The following SYT9 variants were observed in gnomAD, a reference collection of about 807,000 sequenced individuals.
SYT9 encodes the protein synaptotagmin 9, also known as synaptotagmin-9.
SYT9 carries 22 observed loss-of-function variants against 48.4 expected under a neutral mutation model. The observed-to-expected ratio is 0.45, with a 90% CI of 0.32 to 0.65. SYT9 has a LOEUF of 0.65. Among genes scored for constraint, SYT9 ranks in the 30% least tolerant of loss-of-function variants. The pLI is 0.03. For synonymous variants in SYT9, 265 were observed against 245.0 expected (o/e 1.08, Z -0.76); for missense variants, 577 against 622.0 (o/e 0.93, Z 0.77).
intron 1 of SYT9, among the ~76,000 whole-genome samples, chr11:7,267,676 T>C (rs770949589): frequency 1.3e-5 from 2 of 150,074 alleles, no homozygotes; most frequent in African/African-American, 2.5e-5. Flanking sequence ...AGCCTAAAAA[T>C]AGAAAGGTAA....
chr11:7,324,081 G>A (rs1002303258), intron 3 of SYT9, among the ~76,000 whole-genome samples: 5 of 151,538 alleles, frequency 3.3e-5, no homozygotes, highest in African/African-American at 1.2e-4. Flanking sequence ...TTACTTTAGG[G>A]GAAATTAATT....
At chr11:7,279,335 A>G (rs1467661383) in intron 1 of SYT9, among the ~76,000 whole-genome samples, 1 of 152,216 alleles carries the variant, frequency 6.6e-6, no homozygotes, top group Non-Finnish European at 1.5e-5. Context: ...TGGGCAGTTT[A>G]TGATAACCAA....
chr11:7,281,613 C>T (rs1487884), intron 1 of SYT9, among the ~76,000 whole-genome samples: 123,483 of 152,090 alleles, frequency 0.81, 50,575 homozygotes, highest in South Asian at 0.9. Context: ...TTACACAAAG[C>T]CAGATATAGA....
At chr11:7,304,883 T>G (rs11041304) in intron 2 of SYT9, among the ~76,000 whole-genome samples, 1 of 152,172 alleles carries the variant, frequency 6.6e-6, no homozygotes, top group African/African-American at 2.4e-5. Flanking sequence ...GAGTCTCCAT[T>G]GAAATTTCCA....
In SYT9 at chr11:7,323,977, C is replaced by CT. The variant is rs1238742399; in HGVS notation, c.1044+10038dup. On this transcript the variant is annotated intron_variant, in intron 3 of 6. Coordinates refer to ENST00000318881, the MANE Select transcript of SYT9 (RefSeq NM_175733.4). ...GGCACATTATCTCTTTTCCTAGTCT[C>CT]TTAAAGATTTTGTGTCATTTTGTGT... Among the ~76,000 whole-genome samples the CT allele has an allele frequency of 6.6e-5, 10 of 151,872 alleles. No individual in the cohort carries two copies. In the South Asian group the frequency reaches 1.9e-3, roughly 28 times the overall value.
chr11:7,293,064 G>T (rs4758172), intron 1 of SYT9, among the ~76,000 whole-genome samples: 9,190 of 152,216 alleles, frequency 0.06, 369 homozygotes, highest in Non-Finnish European at 0.097. Flanking sequence ...GCAATGCAGG[G>T]GTGGTGATGC....
intron 3 of SYT9, among the ~76,000 whole-genome samples, chr11:7,384,678 T>C (rs1337912126): frequency 1.3e-5 from 2 of 152,314 alleles, no homozygotes; most frequent in East Asian, 3.9e-4. Context: ...CCTGTAATAG[T>C]GCTACTTGAG....
At chr11:7,263,653 A>G (rs564201551) in intron 1 of SYT9, among the ~76,000 whole-genome samples, 2 of 152,304 alleles carry the variant, frequency 1.3e-5, no homozygotes, top group South Asian at 4.1e-4. Context: ...GGTGGAAGGA[A>G]GGATCCCCTG....
intron 1 of SYT9, among the ~76,000 whole-genome samples, chr11:7,267,105 A>G (rs560946672): frequency 6.6e-6 from 1 of 152,204 alleles, no homozygotes; most frequent in East Asian, 1.9e-4. Context: ...AGTACAATAA[A>G]CTGTAAAGAC....
intron 1 of SYT9, among the ~76,000 whole-genome samples, chr11:7,256,580 T>G (rs1847975112): frequency 6.6e-6 from 1 of 152,188 alleles, no homozygotes; most frequent in Non-Finnish European, 1.5e-5. Flanking sequence ...GGAGTTATTG[T>G]CAATGAAAAT....
At chr11:7,415,086 T>TCCCC in intron 3 of SYT9, among the ~76,000 whole-genome samples, 1 of 148,660 alleles carries the variant, frequency 6.7e-6, no homozygotes, top group South Asian at 2.1e-4. Context: ...GTGCCTGAGA[T>TCCCC]ATCTTCCCCA....
intron 1 of SYT9, among the ~76,000 whole-genome samples, chr11:7,274,157 A>G (rs552020743): frequency 6.6e-6 from 1 of 152,280 alleles, no homozygotes; most frequent in South Asian, 2.1e-4. Flanking sequence ...CTGCTGTGCT[A>G]TGTAGAACTG....
intron 1 of SYT9, among the ~76,000 whole-genome samples, chr11:7,278,924 T>G (rs988478304): frequency 2.0e-5 from 3 of 152,058 alleles, no homozygotes; most frequent in African/African-American, 7.2e-5. Flanking sequence ...TTTTCAGGAG[T>G]GCTGATACCC....
chr11:7,314,146 C>T, intron 3 of SYT9: 2 of 710,436 alleles, frequency 2.8e-6, no homozygotes, highest in Non-Finnish European at 5.0e-6. Context: ...TCCATGAAAA[C>T]AATATTAAAG....
chr11:7,419,592 A>T (rs189711469), intron 5 of SYT9, among the ~76,000 whole-genome samples: 1 of 152,290 alleles, frequency 6.6e-6, no homozygotes, highest in East Asian at 1.9e-4. Flanking sequence ...CTACCTAGGG[A>T]GAGTTTCAGA....
Position 7,432,701 on chromosome 11 carries a change from A to G in SYT9, c.1467+12066A>G, listed in dbSNP as rs181342729. On this transcript the variant is annotated intron_variant, in intron 6 of 6. Transcript: ENST00000318881. ...GCCTCTAGCCCCTTTCTTTTGGTCA[A>G]TTTCTCCCTTTTGGAGTGGGAATGT... 2.7e-3 allele frequency among the ~76,000 whole-genome samples: 384 copies of G among 144,890 alleles called. 1 individual carries two copies. Among genetic ancestry groups the G allele is most frequent in the Non-Finnish European group, 4.5e-3 (298 of 66,694 alleles).
intron 6 of SYT9, among the ~76,000 whole-genome samples, chr11:7,452,427 C>T (rs909477422): frequency 6.6e-6 from 1 of 152,164 alleles, no homozygotes; most frequent in Non-Finnish European, 1.5e-5. Context: ...GGGGCCATTT[C>T]AAAGGCAATC....
intron 3 of SYT9, among the ~76,000 whole-genome samples, chr11:7,363,775 AAC>A (rs909447257): frequency 1.3e-5 from 2 of 152,198 alleles, no homozygotes; most frequent in Non-Finnish European, 2.9e-5. Context: ...GATCATTTAT[AAC>A]AGATACCACT....
At chr11:7,463,300 T>G (rs900976404) in intron 6 of SYT9, among the ~76,000 whole-genome samples, 1 of 152,226 alleles carries the variant, frequency 6.6e-6, no homozygotes, top group Non-Finnish European at 1.5e-5. Flanking sequence ...CACCTTCCTC[T>G]CAACAAAATC....
Sources: allele counts gnomAD v4.1 joint callset (sites outside exome capture counted in the v4.1 genomes callset), GRCh38; gene constraint gnomAD v4.1.1; transcripts MANE v1.5; gene names NCBI Gene and HGNC (gene_info 2026-07-23, HGNC 2026-07-21).